STRN: variants seen among roughly 807,000 people sequenced by gnomAD.
The protein encoded by STRN is striatin.
Under a neutral mutation model 96.3 loss-of-function variants are expected in STRN, and 53 were observed. The observed-to-expected ratio is 0.55, with a 90% CI of 0.44 to 0.69. The LOEUF (loss-of-function observed/expected upper bound fraction) is 0.69. Ranked by LOEUF, STRN falls within the 30% of genes least tolerant of loss-of-function variation. STRN has a pLI of 0.00. For synonymous variants in STRN, 428 were observed against 355.9 expected, an observed-to-expected ratio of 1.20 and a Z score of -2.28; for missense variants, 987 against 963.9, an observed-to-expected ratio of 1.02 and a Z score of -0.32.
At chr2:36,863,831 T>C (rs1668554905) in intron 12 of STRN, among the ~76,000 whole-genome samples, 1 of 152,224 alleles carries the variant, frequency 6.6e-6, no homozygotes, top group Non-Finnish European at 1.5e-5. Flanking sequence ...TCTGATTTCT[T>C]TGAGCAGTGT....
chr2:36,886,612 G>C (rs1669234496), intron 8 of STRN, 104 bp downstream of exon 8: 1 of 853,692 alleles, frequency 1.2e-6, no homozygotes, highest in Non-Finnish European at 1.8e-6. Context: ...GTCAGGAGCA[G>C]AAATGAAAAA....
At chr2:36,897,429 T>TAAA (rs201662533) in intron 6 of STRN, among the ~76,000 whole-genome samples, 1 of 147,880 alleles carries the variant, frequency 6.8e-6, no homozygotes, top group Non-Finnish European at 1.5e-5. Context: ...CAAAAAAAAC[T>TAAA]AAAAAATATA....
chr2:36,890,337 G>C (rs1346931869), intron 7 of STRN, among the ~76,000 whole-genome samples: 1 of 152,104 alleles, frequency 6.6e-6, no homozygotes. Context: ...AGGAAAAGAA[G>C]TGTCATTGGT....
chr2:36,869,761 C>A, intron 10 of STRN, 32 bp from the exon 11 acceptor site: 2 of 1,519,750 alleles, frequency 1.3e-6, no homozygotes, highest in Non-Finnish European at 1.8e-6. Context: ...GATATCTACA[C>A]ACTTAGTTAA....
chr2:36,885,108 G>A (rs1400324308), intron 8 of STRN, among the ~76,000 whole-genome samples: 1 of 152,066 alleles, frequency 6.6e-6, no homozygotes, highest in Non-Finnish European at 1.5e-5. Context: ...CCCGATTTAA[G>A]AAATCCAATT....
intron 1 of STRN, among the ~76,000 whole-genome samples, chr2:36,942,823 G>A (rs1670878924): frequency 6.6e-6 from 1 of 152,060 alleles, no homozygotes; most frequent in Non-Finnish European, 1.5e-5. Context: ...AGCCTTCTGA[G>A]TAGCTGGGAT....
intron 10 of STRN, among the ~76,000 whole-genome samples, chr2:36,877,086 A>C (rs1456994749): frequency 1.3e-5 from 2 of 152,192 alleles, no homozygotes; most frequent in African/African-American, 4.8e-5. Context: ...TTTGGAATTA[A>C]GTAAATGTAT....
chr2:36,888,839 C>T (rs113635755), intron 7 of STRN, among the ~76,000 whole-genome samples: 67 of 152,124 alleles, frequency 4.4e-4, no homozygotes, highest in African/African-American at 1.5e-3. Flanking sequence ...TACCACCATG[C>T]CCGGCTAATT....
chr2:36,962,387 C>T (rs933655652), intron 1 of STRN, among the ~76,000 whole-genome samples: 2 of 152,068 alleles, frequency 1.3e-5, no homozygotes, highest in Non-Finnish European at 2.9e-5. Context: ...CTAGGGCCAA[C>T]ATTTTTTATT....
intron 1 of STRN, among the ~76,000 whole-genome samples, chr2:36,956,558 A>G (rs1201587828): frequency 1.3e-5 from 2 of 152,214 alleles, no homozygotes; most frequent in Non-Finnish European, 2.9e-5. Context: ...TTAGCAAATC[A>G]AAAGTATAGC....
Position 36,874,274 on chromosome 2 carries a change from A to C in STRN, c.1323+3617T>G, listed in dbSNP as rs143987952. Among the ~76,000 whole-genome samples the C allele has an allele frequency of 8.5e-3, 1,288 of 152,114 alleles. 13 individuals carry two copies. Among genetic ancestry groups the C allele is most frequent in the African/African-American group, 0.03 (1,235 of 41,504 alleles). On this transcript the variant is annotated intron_variant, in intron 10 of 17. Transcript: ENST00000263918. ...GCAAAACTCTGTCTCAAAAAAAAAA[A>C]AAAGAGCAAAAACTGTAAGACCTCA...
intron 1 of STRN, 49 bp from the exon 2 acceptor site, chr2:36,925,257 GTTTT>G (rs761396286): frequency 1.4e-6 from 2 of 1,387,340 alleles, no homozygotes; most frequent in Non-Finnish European, 2.0e-6. Context: ...AAAAAAAAAA[GTTTT>G]TTTAACTCAG....
At chr2:36,962,945 T>A (rs1665064784) in intron 1 of STRN, among the ~76,000 whole-genome samples, 1 of 152,190 alleles carries the variant, frequency 6.6e-6, no homozygotes, top group African/African-American at 2.4e-5. Context: ...CATACAGAAA[T>A]TTTTCTCAAA....
chr2:36,919,762 T>C (rs557305538), intron 2 of STRN, among the ~76,000 whole-genome samples: 200 of 152,294 alleles, frequency 1.3e-3, no homozygotes, highest in African/African-American at 4.6e-3. Context: ...TAGATAAAAG[T>C]AGCAGTGAAT....
At chr2:36,955,815 T>A (rs1488883237) in intron 1 of STRN, among the ~76,000 whole-genome samples, 1 of 152,216 alleles carries the variant, frequency 6.6e-6, no homozygotes, top group Non-Finnish European at 1.5e-5. Context: ...GATTTCAGAT[T>A]TTGGAATATT....
chr2:36,944,002 C>T (rs1423563092), intron 1 of STRN, among the ~76,000 whole-genome samples: 1 of 152,024 alleles, frequency 6.6e-6, no homozygotes, highest in Non-Finnish European at 1.5e-5. Flanking sequence ...CACCTGTAAT[C>T]CCAGCTACTT....
intron 1 of STRN, among the ~76,000 whole-genome samples, chr2:36,950,817 T>G (rs1303649946): frequency 6.6e-6 from 1 of 152,186 alleles, no homozygotes; most frequent in Non-Finnish European, 1.5e-5. Flanking sequence ...CTCACTTACT[T>G]GGCTAGCTAT....
At chr2:36,940,272 C>T in intron 1 of STRN, among the ~76,000 whole-genome samples, 1 of 152,138 alleles carries the variant, frequency 6.6e-6, no homozygotes, top group East Asian at 1.9e-4. Flanking sequence ...AAAAAGGTTA[C>T]CTTCTTAAAA....
At chr2:36,953,024 T>A (rs1415512982) in intron 1 of STRN, among the ~76,000 whole-genome samples, 1 of 152,250 alleles carries the variant, frequency 6.6e-6, no homozygotes, top group East Asian at 1.9e-4. Context: ...GAATTTGACA[T>A]GGTGTTTATT....
Sources: gnomAD v4.1 joint callset for allele counts (sites outside exome capture counted in the v4.1 genomes callset) on GRCh38, gnomAD v4.1.1 for gene constraint, MANE v1.5 for transcripts, NCBI Gene and HGNC (gene_info 2026-07-23, HGNC 2026-07-21) for gene names.